The following MCC variants were observed in gnomAD, a reference collection of about 807,000 sequenced individuals.
MCC encodes colorectal mutant cancer protein.
In MCC, 90 loss-of-function variants were observed where a neutral mutation model predicts 116.2. That is an observed-to-expected ratio of 0.77 (90% confidence interval 0.65 to 0.92). The LOEUF (loss-of-function observed/expected upper bound fraction) is 0.92. MCC is among the 40% of genes least tolerant of loss of function. The pLI is 0.00. For missense variants in MCC, 1,516 were observed against 1,312.2 expected, an observed-to-expected ratio of 1.16 and a Z score of -2.40; for synonymous variants, 578 against 510.5, an observed-to-expected ratio of 1.13 and a Z score of -1.78.
At chr5:113,440,289 A>AC (rs1166174427) in intron 1 of MCC, among the ~76,000 whole-genome samples, 1 of 151,676 alleles carries the variant, frequency 6.6e-6, no homozygotes. Flanking sequence ...AAAAAAGTAG[A>AC]CGTTCCTTCA....
intron 6 of MCC, among the ~76,000 whole-genome samples, chr5:113,114,858 C>T (rs1261826023): frequency 6.6e-6 from 1 of 152,188 alleles, no homozygotes; most frequent in Non-Finnish European, 1.5e-5. Context: ...GTATTCACCA[C>T]CCTTCAATTC....
intron 3 of MCC, among the ~76,000 whole-genome samples, chr5:113,152,821 T>A (rs923555217): frequency 2.0e-5 from 3 of 151,618 alleles, no homozygotes; most frequent in African/African-American, 7.3e-5. Context: ...AATAGCCGAT[T>A]TGAAATCAGG....
At chr5:113,463,549 C>T (rs975187682) in intron 1 of MCC, among the ~76,000 whole-genome samples, 1 of 152,164 alleles carries the variant, frequency 6.6e-6, no homozygotes, top group Non-Finnish European at 1.5e-5. Flanking sequence ...GTTCTGGCTT[C>T]CCGTAAGTGG....
intron 3 of MCC, among the ~76,000 whole-genome samples, chr5:113,204,964 C>G (rs111989789): frequency 0.052 from 7,960 of 152,264 alleles, 299 homozygotes; most frequent in African/African-American, 0.1. Context: ...CCGTATTCAA[C>G]AGATGACAGG....
chr5:113,304,345 G>GA (rs981513874), intron 3 of MCC, among the ~76,000 whole-genome samples: 66 of 152,246 alleles, frequency 4.3e-4, no homozygotes, highest in African/African-American at 1.6e-3. Context: ...CTCACATACA[G>GA]AAAAAACAAA....
chr5:113,306,263 T>C (rs1766982680), intron 3 of MCC, among the ~76,000 whole-genome samples: 1 of 152,228 alleles, frequency 6.6e-6, no homozygotes, highest in South Asian at 2.1e-4. Flanking sequence ...TTCTCTCGGG[T>C]ATATACCTAA....
intron 2 of MCC, among the ~76,000 whole-genome samples, chr5:113,379,997 A>G (rs556871255): frequency 6.6e-6 from 1 of 152,214 alleles, no homozygotes; most frequent in Non-Finnish European, 1.5e-5. Flanking sequence ...CCTTCCTCAC[A>G]TAATATTTAT....
chr5:113,027,479 G>A lies in MCC; in HGVS notation c.2883C>T (p.Asn961=). The part of the protein sequence containing the change: ...FVNDLKRANS[N]LVAAYEKAKK... ...TTGCTTTCTCATAGGCAGCCACCAG[G>A]TTGCTAGGTGGGAATGAAGGGAAAT... Residue 961 remains asparagine (N), a synonymous_variant, in exon 19 of 19, where the codon AAC becomes AAT. Transcript: ENST00000408903. 3.7e-6 allele frequency: 6 copies of A among 1,614,114 alleles called. No individual in the cohort carries two copies. Among genetic ancestry groups the A allele is most frequent in the Non-Finnish European group, 4.2e-6 (5 of 1,179,994 alleles).
At chr5:113,461,445 T>C (rs574957968) in intron 1 of MCC, among the ~76,000 whole-genome samples, 3 of 152,082 alleles carry the variant, frequency 2.0e-5, no homozygotes, top group Non-Finnish European at 4.4e-5. Context: ...GAGAGGAGAT[T>C]AGAACTCCAG....
At chr5:113,399,210 G>A (rs1012469777) in intron 1 of MCC, among the ~76,000 whole-genome samples, 9 of 152,216 alleles carry the variant, frequency 5.9e-5, no homozygotes, top group Admixed American at 1.3e-4. Context: ...TATTGGCCAG[G>A]TGCGGTGGCT....
chr5:113,432,961 A>G (rs936008908), intron 1 of MCC: 1 of 152,220 alleles, frequency 6.6e-6, no homozygotes, highest in African/African-American at 2.4e-5. Context: ...AGAAAAATCA[A>G]AACTGAATAA....
At chr5:113,110,138 T>C (rs1013964738) in intron 6 of MCC, among the ~76,000 whole-genome samples, 40 of 152,184 alleles carry the variant, frequency 2.6e-4, no homozygotes, top group African/African-American at 9.7e-4. Flanking sequence ...CAAAGGAAAC[T>C]GTTCTACATC....
intron 3 of MCC, among the ~76,000 whole-genome samples, chr5:113,286,446 T>C (rs28439752): frequency 0.028 from 4,340 of 152,284 alleles, 211 homozygotes; most frequent in African/African-American, 0.097. Flanking sequence ...CGCACACACA[T>C]TGAGGTTTCA....
chr5:113,296,533 G>A (rs552951852), intron 3 of MCC, among the ~76,000 whole-genome samples: 8 of 152,292 alleles, frequency 5.3e-5, no homozygotes, highest in Admixed American at 2.6e-4. Flanking sequence ...AGGGGAAAGC[G>A]TTCCAGGCCA....
At chr5:113,468,837 T>C (rs1771993330) in intron 1 of MCC, among the ~76,000 whole-genome samples, 1 of 152,224 alleles carries the variant, frequency 6.6e-6, no homozygotes, top group Non-Finnish European at 1.5e-5. Flanking sequence ...TGGTAAGCTA[T>C]TGATTATTGC....
intron 1 of MCC, among the ~76,000 whole-genome samples, chr5:113,478,438 T>C (rs1157712824): frequency 6.6e-6 from 1 of 152,216 alleles, no homozygotes; most frequent in Non-Finnish European, 1.5e-5. Flanking sequence ...GGGTTGGATG[T>C]AGCATTTGAA....
intron 3 of MCC, among the ~76,000 whole-genome samples, chr5:113,275,266 A>G (rs1765780323): frequency 1.3e-5 from 2 of 152,214 alleles, no homozygotes; most frequent in Non-Finnish European, 2.9e-5. Context: ...AGTTTGCCAA[A>G]CCAGTAGGTA....
intron 1 of MCC, among the ~76,000 whole-genome samples, chr5:113,422,689 G>A (rs1319844410): frequency 1.3e-5 from 2 of 152,140 alleles, no homozygotes; most frequent in Non-Finnish European, 2.9e-5. Flanking sequence ...ACCTGGATGA[G>A]CCCAGTGGAG....
chr5:113,209,034 A>C (rs1763017377), intron 3 of MCC, among the ~76,000 whole-genome samples: 1 of 152,252 alleles, frequency 6.6e-6, no homozygotes, highest in Admixed American at 6.5e-5. Flanking sequence ...GGAAATTGAT[A>C]CAGGCTATCT....
Sources: allele counts gnomAD v4.1 joint callset (sites outside exome capture counted in the v4.1 genomes callset), GRCh38; gene constraint gnomAD v4.1.1; transcripts MANE v1.5; gene names NCBI Gene and HGNC (gene_info 2026-07-23, HGNC 2026-07-21).